Variants in MYO1E observed in about 807,000 individuals in gnomAD.
MYO1E encodes the protein unconventional myosin-Ie.
In MYO1E, 68 loss-of-function variants were observed where a neutral mutation model predicts 151.1. That is an observed-to-expected ratio of 0.45 (90% CI 0.37 to 0.55). MYO1E has a LOEUF of 0.55. Ranked by LOEUF, MYO1E falls within the 20% of genes least tolerant of loss-of-function variation. The pLI is 0.00. For missense variants in MYO1E, 1,363 were observed against 1,389.3 expected (o/e 0.98, Z 0.30); for synonymous variants, 601 against 501.7 (o/e 1.20, Z -2.64).
intron 2 of MYO1E, chr15:59,266,944 A>C (rs1428418462): frequency 6.6e-6 from 1 of 150,584 alleles, no homozygotes; most frequent in Non-Finnish European, 1.5e-5. Flanking sequence ...TACAGGCGTG[A>C]GCCACCGTGC....
intron 1 of MYO1E, among the ~76,000 whole-genome samples, chr15:59,282,499 C>G (rs756989675): frequency 5.3e-5 from 8 of 152,036 alleles, no homozygotes; most frequent in Non-Finnish European, 1.0e-4. Context: ...CTCTTTCCCT[C>G]ACAAACTCCA....
At chr15:59,171,749 C>G in intron 22 of MYO1E, 148 bp downstream of exon 22, 1 of 1,115,372 alleles carries the variant, frequency 9.0e-7, no homozygotes, top group Non-Finnish European at 1.3e-6. Flanking sequence ...GGAGTCTTCC[C>G]TTTGGGACAA....
chr15:59,261,149 G>A (rs1305291849), intron 3 of MYO1E, among the ~76,000 whole-genome samples: 1 of 151,896 alleles, frequency 6.6e-6, no homozygotes, highest in African/African-American at 2.4e-5. Flanking sequence ...GAAGGCGGAG[G>A]TTGCAGTGAG....
At chr15:59,321,643 G>T (rs1190459768) in intron 1 of MYO1E, among the ~76,000 whole-genome samples, 3 of 152,208 alleles carry the variant, frequency 2.0e-5, no homozygotes, top group African/African-American at 7.2e-5. Context: ...GGTACTCATG[G>T]ACATAAAGAT....
At chr15:59,255,435 C>T (rs2080188701) in intron 4 of MYO1E, among the ~76,000 whole-genome samples, 1 of 152,008 alleles carries the variant, frequency 6.6e-6, no homozygotes, top group Non-Finnish European at 1.5e-5. Context: ...CACTCTGTCA[C>T]TCAGGCTGGA....
chr15:59,224,565 C>T, intron 8 of MYO1E, 124 bp downstream of exon 8: 1 of 1,326,214 alleles, frequency 7.5e-7, no homozygotes, highest in Non-Finnish European at 1.1e-6. Context: ...ATACAGAGTG[C>T]TCACAGAGAA....
At chr15:59,273,934 C>T (rs371887878) in intron 1 of MYO1E, among the ~76,000 whole-genome samples, 2 of 151,966 alleles carry the variant, frequency 1.3e-5, no homozygotes, top group Non-Finnish European at 2.9e-5. Flanking sequence ...CTAGAAAGGC[C>T]AACTGCTCAG....
At chr15:59,297,354 C>T (rs1468624365) in intron 1 of MYO1E, among the ~76,000 whole-genome samples, 2 of 150,120 alleles carry the variant, frequency 1.3e-5, no homozygotes, top group Non-Finnish European at 3.0e-5. Context: ...TCACTGCAAC[C>T]TCCGCCTCCT....
At position 59,132,669 on chromosome 15, in the gene MYO1E, A is replaced by C. The variant is rs752458419; in HGVS notation, c.*4711T>G. The C allele has an allele frequency of 6.6e-6, 1 of 152,036 alleles. No individual in the cohort carries two copies. The highest frequency in any genetic ancestry group is 1.5e-5 in the Non-Finnish European group (1 of 67,908). 9.4% of individuals were successfully genotyped at this position (152,036 alleles called of 1,614,324 possible). ...ATAGTATAGAAGAGCACTAACTCTGAACGTGGGTGCTTTGGGTTTGATTTT... is the reference window on the plus strand; with the variant it reads ...ATAGTATAGAAGAGCACTAACTCTGCACGTGGGTGCTTTGGGTTTGATTTT... On this transcript the variant is annotated 3_prime_UTR_variant, in exon 28 of 28. Transcript: ENST00000288235.
At chr15:59,341,042 A>T (rs573859159) in intron 1 of MYO1E, among the ~76,000 whole-genome samples, 10 of 151,868 alleles carry the variant, frequency 6.6e-5, no homozygotes, top group Admixed American at 5.9e-4. Context: ...AAAGAAAAAA[A>T]AGAAAAAAAG....
At chr15:59,214,425 G>A (rs1596369106) in intron 11 of MYO1E, 111 bp from the exon 12 acceptor site, 2 of 914,824 alleles carry the variant, frequency 2.2e-6, no homozygotes, top group East Asian at 2.5e-5. Context: ...TAGAAATGTT[G>A]GATGCATCAA....
At chr15:59,281,375 A>G (rs2140389406) in intron 1 of MYO1E, among the ~76,000 whole-genome samples, 2 of 151,524 alleles carry the variant, frequency 1.3e-5, no homozygotes, top group Non-Finnish European at 2.9e-5. Context: ...TCCCTGGTTC[A>G]AGTGATTCTC....
intron 15 of MYO1E, among the ~76,000 whole-genome samples, chr15:59,203,432 T>G (rs1033146804): frequency 6.7e-5 from 10 of 149,828 alleles, no homozygotes; most frequent in Non-Finnish European, 1.5e-5. Context: ...CAGGCTGGAG[T>G]GCAGTGGCGC....
At chr15:59,230,475 G>A (rs1322118247) in intron 6 of MYO1E, among the ~76,000 whole-genome samples, 6 of 151,904 alleles carry the variant, frequency 3.9e-5, no homozygotes, top group Non-Finnish European at 8.8e-5. Flanking sequence ...AGGGGAAAAG[G>A]TAAATAAAGA....
intron 2 of MYO1E, among the ~76,000 whole-genome samples, chr15:59,269,324 C>T (rs1160220144): frequency 6.6e-6 from 1 of 152,096 alleles, no homozygotes; most frequent in African/African-American, 2.4e-5. Context: ...GGTCACAAAA[C>T]GTTTCGGTCA....
intron 4 of MYO1E, among the ~76,000 whole-genome samples, chr15:59,241,250 C>T (rs1418142270): frequency 6.6e-5 from 10 of 152,188 alleles, no homozygotes; most frequent in Non-Finnish European, 1.2e-4. Flanking sequence ...GAGACAGTGG[C>T]TCACACCTGT....
At chr15:59,178,930 AAG>A (rs1414220769) in intron 18 of MYO1E, among the ~76,000 whole-genome samples, 2 of 152,306 alleles carry the variant, frequency 1.3e-5, no homozygotes, top group East Asian at 3.9e-4. Context: ...ACTTAATGCA[AAG>A]AGTTTTATAA....
At chr15:59,193,895 G>A (rs974473710) in intron 17 of MYO1E, among the ~76,000 whole-genome samples, 1 of 152,130 alleles carries the variant, frequency 6.6e-6, no homozygotes, top group Non-Finnish European at 1.5e-5. Context: ...TGCCTTAAGC[G>A]GTCAGGGGTG....
chr15:59,264,100 G>A (rs1249138359), intron 2 of MYO1E, among the ~76,000 whole-genome samples: 4 of 152,034 alleles, frequency 2.6e-5, no homozygotes, highest in African/African-American at 9.7e-5. Context: ...ATTTTGGAAC[G>A]TTTGCATTAC....
Sources: allele counts gnomAD v4.1 joint callset (sites outside exome capture counted in the v4.1 genomes callset), GRCh38; gene constraint gnomAD v4.1.1; transcripts MANE v1.5; gene names NCBI Gene and HGNC (gene_info 2026-07-23, HGNC 2026-07-21).